TMEM71: variants seen among roughly 807,000 people sequenced by gnomAD.
TMEM71 encodes transmembrane protein 71.
In TMEM71, 44 loss-of-function variants were observed where a neutral mutation model predicts 38.0. The ratio of observed to expected loss-of-function variants is 1.16; its 90% CI spans 0.91 to 1.49. The LOEUF (loss-of-function observed/expected upper bound fraction) is 1.49. TMEM71 is among the 40% of genes most tolerant of loss of function. The probability of loss-of-function intolerance (pLI) is 0.00; values close to 1 mark genes in which losing one functional copy is unlikely to be tolerated. For synonymous variants in TMEM71, 133 were observed against 122.5 expected (o/e 1.09, Z -0.56); for missense variants, 367 against 348.6 (o/e 1.05, Z -0.42).
chr8:132,745,299 G>A (rs1828275675), intron 5 of TMEM71, among the ~76,000 whole-genome samples: 1 of 152,062 alleles, frequency 6.6e-6, no homozygotes, highest in South Asian at 2.1e-4. Context: ...CTAATATGTA[G>A]AACCTATAAG....
chr8:132,713,763 C>T (rs1044395037), intron 9 of TMEM71, among the ~76,000 whole-genome samples: 51 of 152,258 alleles, frequency 3.3e-4, no homozygotes, highest in African/African-American at 1.0e-3. Context: ...TAAATGACAT[C>T]GCCTTTCAAA....
chr8:132,759,174 G>C (rs1829193084), intron 1 of TMEM71: 1 of 281,682 alleles, frequency 3.6e-6, no homozygotes, highest in Non-Finnish European at 6.6e-6. Flanking sequence ...ACTTTATTTG[G>C]AAAATCTAGA....
chr8:132,774,753 T>C, the TMEM71 span, among the ~76,000 whole-genome samples: 1 of 152,262 alleles, frequency 6.6e-6, no homozygotes, highest in Non-Finnish European at 1.5e-5. Flanking sequence ...CTGCTATCAT[T>C]AGCTGTGTAG....
intron 3 of TMEM71, among the ~76,000 whole-genome samples, chr8:132,756,944 T>C (rs1328748275): frequency 2.0e-5 from 3 of 151,856 alleles, no homozygotes; most frequent in Admixed American, 6.6e-5. Context: ...TGGAGGGCAG[T>C]GGTGGGATCT....
At chr8:132,753,539 A>T (rs1295614664) in intron 3 of TMEM71, among the ~76,000 whole-genome samples, 1 of 152,046 alleles carries the variant, frequency 6.6e-6, no homozygotes, top group Non-Finnish European at 1.5e-5. Flanking sequence ...TCCGACAAAC[A>T]TTGTCCCGTC....
At chr8:132,759,619 C>T (rs1362191192) in intron 1 of TMEM71, among the ~76,000 whole-genome samples, 2 of 152,190 alleles carry the variant, frequency 1.3e-5, no homozygotes, top group Admixed American at 1.3e-4. Flanking sequence ...GAACCAACTT[C>T]TGTTGACTAT....
At chr8:132,731,495 C>T (rs1188217210) in intron 5 of TMEM71, among the ~76,000 whole-genome samples, 2 of 152,170 alleles carry the variant, frequency 1.3e-5, no homozygotes, top group African/African-American at 4.8e-5. Flanking sequence ...CATTTCTAGG[C>T]ACAGGGTTTA....
At chr8:132,738,272 A>G (rs1827854166) in intron 5 of TMEM71, among the ~76,000 whole-genome samples, 1 of 152,208 alleles carries the variant, frequency 6.6e-6, no homozygotes. Flanking sequence ...CTAGTTCAAA[A>G]GCTCATTTTC....
intron 3 of TMEM71, among the ~76,000 whole-genome samples, chr8:132,756,411 T>TTTTATATATA (rs1554619986): frequency 3.5e-5 from 4 of 115,836 alleles, no homozygotes; most frequent in East Asian, 4.9e-4. Flanking sequence ...AACATATATA[T>TTTTATATATA]TATATATATA....
intron 3 of TMEM71, among the ~76,000 whole-genome samples, chr8:132,755,321 A>G (rs1276657121): frequency 6.6e-6 from 1 of 152,224 alleles, no homozygotes; most frequent in East Asian, 1.9e-4. Context: ...CCCTCTGAAC[A>G]ATATCAAACC....
chr8:132,735,501 A>T (rs1827698539), intron 5 of TMEM71, among the ~76,000 whole-genome samples: 2 of 152,214 alleles, frequency 1.3e-5, no homozygotes. Context: ...GGAAGATGTG[A>T]TTACTCTGAC....
chr8:132,773,792 A>G, the TMEM71 span, among the ~76,000 whole-genome samples: 4 of 152,156 alleles, frequency 2.6e-5, no homozygotes, highest in Admixed American at 1.3e-4. Flanking sequence ...TGATATTTTC[A>G]TCTTATTTAG....
chr8:132,753,016 G>T (rs1333495601), intron 3 of TMEM71, among the ~76,000 whole-genome samples: 1 of 151,914 alleles, frequency 6.6e-6, no homozygotes, highest in African/African-American at 2.4e-5. Context: ...TTGGAGAAAA[G>T]AATATGTTAT....
chr8:132,714,439 G>A (rs555632660), intron 7 of TMEM71, among the ~76,000 whole-genome samples: 39 of 152,300 alleles, frequency 2.6e-4, no homozygotes, highest in African/African-American at 5.5e-4. Flanking sequence ...TAATTGAGGC[G>A]CAGAAGCATT....
At position 132,710,353 on chromosome 8, in the gene TMEM71, A is replaced by G. The variant is rs1028234336; in HGVS notation, c.*614T>C. ...AAAACTTGGTTTAGAACGTGGTTCA[A>G]AAGAATATAACTTTCAGAAAATGCT... is the stretch of plus-strand genomic sequence containing the variant. On this transcript the variant is annotated 3_prime_UTR_variant, in exon 10 of 10. Transcript: ENST00000677595. 10 of 152,654 alleles carry G rather than the reference A, an allele frequency of 6.6e-5. No individual in the cohort carries two copies. Among genetic ancestry groups the G allele is most frequent in the African/African-American group, 1.4e-4 (6 of 41,480 alleles). The allele number at this position is 152,654 out of a possible 1,614,324, so 9.5% of individuals were successfully genotyped here.
chr8:132,767,812 T>C, the TMEM71 span, among the ~76,000 whole-genome samples: 1 of 152,180 alleles, frequency 6.6e-6, no homozygotes, highest in Non-Finnish European at 1.5e-5. Context: ...CTTGAGCTTA[T>C]TGGACAACCT....
At position 132,747,202 on chromosome 8, in the gene TMEM71, A is replaced by T; in HGVS notation, c.315-88T>A. 3 of 1,165,180 alleles carry T rather than the reference A, an allele frequency of 2.6e-6. No homozygotes were observed. The South Asian group carries it at 5.2e-5, about 20-fold the overall frequency. 72.2% of individuals were successfully genotyped at this position (1,165,180 alleles called of 1,614,324 possible). On this transcript the variant is annotated intron_variant, in intron 4 of 9. Coordinates refer to ENST00000677595, the MANE Select transcript of TMEM71 (RefSeq NM_001382403.1). ...TTTGAAGCGCAGAGTACATTTCTACAACCCAAGTCTGCTCACTGCATTAAT... is the reference window on the plus strand; with the variant it reads ...TTTGAAGCGCAGAGTACATTTCTACTACCCAAGTCTGCTCACTGCATTAAT...
chr8:132,711,373 C>T (rs374770864), intron 9 of TMEM71, among the ~76,000 whole-genome samples: 3 of 152,136 alleles, frequency 2.0e-5, no homozygotes, highest in Admixed American at 6.5e-5. Context: ...AGATTAAAAA[C>T]TTGGTAAAGA....
chr8:132,748,967 C>T (rs2467975), intron 4 of TMEM71, among the ~76,000 whole-genome samples: 46,372 of 152,108 alleles, frequency 0.3, 7,299 homozygotes, highest in Non-Finnish European at 0.33. Flanking sequence ...ATAAAATCTA[C>T]GTCATAAGAT....
Sources: allele counts gnomAD v4.1 joint callset (sites outside exome capture counted in the v4.1 genomes callset), GRCh38; gene constraint gnomAD v4.1.1; transcripts MANE v1.5; gene names NCBI Gene and HGNC (gene_info 2026-07-23, HGNC 2026-07-21).